Variants in INPP4B observed in about 807,000 individuals in gnomAD.
INPP4B encodes the protein inositol polyphosphate-4-phosphatase type II B.
In INPP4B, 55 loss-of-function variants were observed where a neutral mutation model predicts 122.5. The observed-to-expected ratio is 0.45, with a 90% CI of 0.36 to 0.56. The LOEUF (loss-of-function observed/expected upper bound fraction) is 0.56, where lower values mean the gene tolerates loss of function less well. Ranked by LOEUF, INPP4B falls within the 20% of genes least tolerant of loss-of-function variation. The pLI, the probability that INPP4B is intolerant of heterozygous loss-of-function variation, is 0.00. For missense variants in INPP4B, 1,000 were observed against 1,097.7 expected, an observed-to-expected ratio of 0.91 and a Z score of 1.26; for synonymous variants, 403 against 388.7, an observed-to-expected ratio of 1.04 and a Z score of -0.43.
chr4:142,628,552 T>A (rs553307906), intron 2 of INPP4B, among the ~76,000 whole-genome samples: 141 of 106,842 alleles, frequency 1.3e-3, no homozygotes, highest in African/African-American at 5.0e-3. Context: ...CCCTAAAACT[T>A]AAAGTAAAAA....
intron 2 of INPP4B, among the ~76,000 whole-genome samples, chr4:142,714,918 T>A (rs892672412): frequency 6.6e-6 from 1 of 152,172 alleles, no homozygotes; most frequent in African/African-American, 2.4e-5. Context: ...CTAATGTTAA[T>A]AAGAAATGTT....
At chr4:142,675,734 C>A (rs1030504422) in intron 2 of INPP4B, among the ~76,000 whole-genome samples, 3 of 152,040 alleles carry the variant, frequency 2.0e-5, no homozygotes, top group Non-Finnish European at 4.4e-5. Context: ...TAAACAGAAC[C>A]AATGACAAAA....
At chr4:142,073,553 T>C (rs1280503700) in intron 25 of INPP4B, among the ~76,000 whole-genome samples, 1 of 152,074 alleles carries the variant, frequency 6.6e-6, no homozygotes, top group Non-Finnish European at 1.5e-5. Context: ...TAGCAAGTGT[T>C]CTGATGGAAG....
At chr4:142,114,554 A>G (rs1042147800) in intron 21 of INPP4B, among the ~76,000 whole-genome samples, 16 of 152,224 alleles carry the variant, frequency 1.1e-4, no homozygotes, top group African/African-American at 3.8e-4. Context: ...TAAATCATTC[A>G]TATATCCTAT....
intron 7 of INPP4B, among the ~76,000 whole-genome samples, chr4:142,375,734 C>G (rs1274851607): frequency 6.6e-6 from 1 of 151,944 alleles, no homozygotes; most frequent in Non-Finnish European, 1.5e-5. Flanking sequence ...TTGCATTTAT[C>G]TTGCAACTAT....
chr4:142,351,381 C>T (rs1215158170), intron 7 of INPP4B, among the ~76,000 whole-genome samples: 1 of 152,006 alleles, frequency 6.6e-6, no homozygotes, highest in Non-Finnish European at 1.5e-5. Flanking sequence ...TTATTAACAA[C>T]AATCTTATAT....
At chr4:142,392,309 T>C (rs1797950462) in intron 7 of INPP4B, among the ~76,000 whole-genome samples, 1 of 152,230 alleles carries the variant, frequency 6.6e-6, no homozygotes. Context: ...TTAAGACTCT[T>C]ATCTTTGAAT....
At chr4:142,087,251 A>T (rs1777313092) in intron 23 of INPP4B, among the ~76,000 whole-genome samples, 2 of 152,180 alleles carry the variant, frequency 1.3e-5, no homozygotes, top group African/African-American at 4.8e-5. Flanking sequence ...AGAAGCACAG[A>T]TATGACACGG....
intron 2 of INPP4B, among the ~76,000 whole-genome samples, chr4:142,679,343 A>G (rs1262232251): frequency 2.0e-5 from 3 of 151,888 alleles, no homozygotes; most frequent in African/African-American, 7.2e-5. Context: ...CAGTCCCTTA[A>G]AAGTTTCTTG....
At chr4:142,128,467 C>T (rs3775648) in intron 18 of INPP4B, among the ~76,000 whole-genome samples, 11,504 of 151,940 alleles carry the variant, frequency 0.076, 563 homozygotes, top group East Asian at 0.23. Flanking sequence ...TATCTCTGCC[C>T]TGAGCCAACT....
intron 1 of INPP4B, among the ~76,000 whole-genome samples, chr4:142,831,442 G>A (rs1433259823): frequency 6.6e-6 from 1 of 152,190 alleles, no homozygotes; most frequent in African/African-American, 2.4e-5. Flanking sequence ...CAAAAGAATT[G>A]TGACTTGTCT....
intron 10 of INPP4B, among the ~76,000 whole-genome samples, chr4:142,263,243 C>T (rs1320545559): frequency 6.6e-6 from 1 of 152,162 alleles, no homozygotes; most frequent in East Asian, 1.9e-4. Context: ...ATCCTTTTGG[C>T]TGTTACTTAT....
chr4:142,832,501 T>C (rs934656859), intron 1 of INPP4B, among the ~76,000 whole-genome samples: 3 of 152,164 alleles, frequency 2.0e-5, no homozygotes, highest in African/African-American at 7.2e-5. Context: ...GATACATAAA[T>C]TGCTTTTAGC....
At chr4:142,057,476 T>TA (rs145480785) in intron 25 of INPP4B, among the ~76,000 whole-genome samples, 9,273 of 152,190 alleles carry the variant, frequency 0.061, 294 homozygotes, top group Middle Eastern at 0.095. Context: ...GTAGGTATTT[T>TA]AAAAGATAGT....
chr4:142,156,168 T>TC (rs1395431907), intron 17 of INPP4B, among the ~76,000 whole-genome samples: 2 of 151,812 alleles, frequency 1.3e-5, no homozygotes, highest in Non-Finnish European at 2.9e-5. Flanking sequence ...CTAAGAATTG[T>TC]TTTTCTAGTT....
At chr4:142,533,153 T>C (rs996561701) in intron 2 of INPP4B, among the ~76,000 whole-genome samples, 1 of 152,162 alleles carries the variant, frequency 6.6e-6, no homozygotes. Context: ...GAGGTCAAAA[T>C]TCAAAATATA....
At position 142,400,079 on chromosome 4, in the gene INPP4B, A is replaced by G. The variant is rs2149121593; in HGVS notation, c.372+2859T>C. Among the ~76,000 whole-genome samples the G allele has an allele frequency of 2.0e-5, 3 of 152,364 alleles. 1 individual carries two copies. In the Middle Eastern group the frequency reaches 0.01, roughly 518 times the overall value. ...AAGAACAACTAGTTAGTGAGGTAAC[A>G]TCTGCATCAAGAGCACAGAGAAAAG... On this transcript the variant is annotated intron_variant, in intron 7 of 25. Coordinates refer to ENST00000262992, the MANE Select transcript of INPP4B (RefSeq NM_001101669.3).
At chr4:142,122,923 C>T (rs1005890220) in intron 20 of INPP4B, among the ~76,000 whole-genome samples, 2 of 151,890 alleles carry the variant, frequency 1.3e-5, no homozygotes, top group Non-Finnish European at 2.9e-5. Context: ...TTGATTTGGA[C>T]TAGACACATT....
chr4:142,630,378 A>C (rs748279354), intron 2 of INPP4B, among the ~76,000 whole-genome samples: 8 of 152,278 alleles, frequency 5.3e-5, no homozygotes, highest in Non-Finnish European at 1.2e-4. Flanking sequence ...AATCAAATTA[A>C]ATATTTAAAA....
Sources: allele counts gnomAD v4.1 joint callset (sites outside exome capture counted in the v4.1 genomes callset), GRCh38; gene constraint gnomAD v4.1.1; transcripts MANE v1.5; gene names NCBI Gene and HGNC (gene_info 2026-07-23, HGNC 2026-07-21).